The following DPF3 variants were observed in gnomAD, a reference collection of about 807,000 sequenced individuals.
The protein encoded by DPF3 is zinc finger protein DPF3.
A neutral mutation model predicts 56.8 loss-of-function variants in DPF3; 18 were observed. That is an observed-to-expected ratio of 0.32 (90% CI 0.22 to 0.47). The LOEUF is 0.47. Among genes scored for constraint, DPF3 ranks in the 20% least tolerant of loss-of-function variants. The pLI is 1.00. For synonymous variants in DPF3, 188 were observed against 180.2 expected, an observed-to-expected ratio of 1.04 and a Z score of -0.35; for missense variants, 403 against 488.8, an observed-to-expected ratio of 0.82 and a Z score of 1.65.
At chr14:72,642,355 G>A (rs957378215) in intron 8 of DPF3, among the ~76,000 whole-genome samples, 5 of 152,244 alleles carry the variant, frequency 3.3e-5, no homozygotes, top group Non-Finnish European at 7.3e-5. Context: ...CCAGACATTT[G>A]ACAGAACTCC....
At chr14:72,710,655 G>A (rs1478193620) in intron 6 of DPF3, among the ~76,000 whole-genome samples, 6 of 152,240 alleles carry the variant, frequency 3.9e-5, no homozygotes, top group African/African-American at 1.4e-4. Context: ...ATTCTAAGAA[G>A]CGTCTAGGCA....
At chr14:72,810,216 G>C (rs77305094) in intron 1 of DPF3, among the ~76,000 whole-genome samples, 2,770 of 152,298 alleles carry the variant, frequency 0.018, 95 homozygotes, top group African/African-American at 0.063. Flanking sequence ...CAACATCCCA[G>C]TGCTGTGGTC....
chr14:72,708,643 A>G (rs1836874510), intron 6 of DPF3, among the ~76,000 whole-genome samples: 1 of 152,174 alleles, frequency 6.6e-6, no homozygotes, highest in African/African-American at 2.4e-5. Flanking sequence ...TCCCTGCTGC[A>G]CTCAGGTAGG....
At chr14:72,791,113 C>G (rs1037344226) in intron 1 of DPF3, among the ~76,000 whole-genome samples, 1 of 152,202 alleles carries the variant, frequency 6.6e-6, no homozygotes, top group Non-Finnish European at 1.5e-5. Context: ...CCTCTGCAAT[C>G]TGGTGACCTT....
chr14:72,744,366 G>A (rs1047260557), intron 3 of DPF3, among the ~76,000 whole-genome samples: 5 of 151,910 alleles, frequency 3.3e-5, no homozygotes, highest in Non-Finnish European at 5.9e-5. Flanking sequence ...ACAACCTCGC[G>A]GACTTCATTG....
At chr14:72,728,900 G>A (rs1889518452) in intron 4 of DPF3, among the ~76,000 whole-genome samples, 1 of 152,110 alleles carries the variant, frequency 6.6e-6, no homozygotes. Context: ...GGGAGGCAGG[G>A]GCAGTCAGGG....
At chr14:72,849,610 C>T (rs1161109728) in intron 1 of DPF3, among the ~76,000 whole-genome samples, 2 of 152,164 alleles carry the variant, frequency 1.3e-5, no homozygotes, top group African/African-American at 4.8e-5. Flanking sequence ...CACCTCCCAC[C>T]TTCACCCTAA....
At chr14:72,679,458 C>T (rs1887061689) in intron 7 of DPF3, among the ~76,000 whole-genome samples, 1 of 152,248 alleles carries the variant, frequency 6.6e-6, no homozygotes, top group South Asian at 2.1e-4. Context: ...CACCCAGCCC[C>T]AGCCCCAGCC....
intron 6 of DPF3, among the ~76,000 whole-genome samples, chr14:72,700,513 A>T (rs1467686890): frequency 2.0e-5 from 3 of 152,178 alleles, no homozygotes; most frequent in Non-Finnish European, 2.9e-5. Context: ...CCAGGTCCCA[A>T]CCAGTCCTGA....
At chr14:72,864,288 A>C (rs1356073506) in intron 1 of DPF3, among the ~76,000 whole-genome samples, 1 of 152,064 alleles carries the variant, frequency 6.6e-6, no homozygotes, top group Non-Finnish European at 1.5e-5. Flanking sequence ...CCACCTTCTC[A>C]GTGAAGCCAC....
intron 8 of DPF3, among the ~76,000 whole-genome samples, chr14:72,660,610 C>T (rs1886177413): frequency 6.6e-6 from 1 of 152,372 alleles, no homozygotes; most frequent in South Asian, 2.1e-4. Context: ...TAACCTCCCA[C>T]CTATTCTAAG....
At chr14:72,798,544 G>A (rs1293308096) in intron 1 of DPF3, among the ~76,000 whole-genome samples, 1 of 152,216 alleles carries the variant, frequency 6.6e-6, no homozygotes, top group African/African-American at 2.4e-5. Flanking sequence ...GATTACATGT[G>A]ACCAAGGTCA....
intron 1 of DPF3, among the ~76,000 whole-genome samples, chr14:72,887,187 AC>A (rs1886583283): frequency 7.1e-6 from 1 of 141,452 alleles, no homozygotes; most frequent in Admixed American, 7.0e-5. Context: ...ACACACACAC[AC>A]ACACACACAA....
chr14:72,866,214 C>T (rs1885656200), intron 1 of DPF3, among the ~76,000 whole-genome samples: 1 of 152,092 alleles, frequency 6.6e-6, no homozygotes. Flanking sequence ...ATTCCCACCA[C>T]CACCTCTTCC....
At chr14:72,826,771 G>A (rs544386018) in intron 1 of DPF3, among the ~76,000 whole-genome samples, 116 of 152,200 alleles carry the variant, frequency 7.6e-4, no homozygotes, top group African/African-American at 2.5e-3. Flanking sequence ...GGCCGGGCGC[G>A]GTGGCTCACG....
chr14:72,731,542 T>C, intron 4 of DPF3: 1 of 443,448 alleles, frequency 2.3e-6, no homozygotes, highest in Non-Finnish European at 4.2e-6. Flanking sequence ...ACAGTCCCTG[T>C]GTTCACTAGG....
chr14:72,850,712 C>T (rs758913268), intron 1 of DPF3, among the ~76,000 whole-genome samples: 12 of 152,142 alleles, frequency 7.9e-5, no homozygotes, highest in Admixed American at 5.2e-4. Flanking sequence ...ATCTGTGGTT[C>T]AGATTATACA....
At chr14:72,869,691 G>A (rs1885818278) in intron 1 of DPF3, among the ~76,000 whole-genome samples, 1 of 152,134 alleles carries the variant, frequency 6.6e-6, no homozygotes, top group Non-Finnish European at 1.5e-5. Flanking sequence ...GAAAAAGAGG[G>A]CTGGGAGAGA....
At chr14:72,665,301 G>T (rs772908111) in intron 8 of DPF3, among the ~76,000 whole-genome samples, 1 of 152,106 alleles carries the variant, frequency 6.6e-6, no homozygotes, top group Non-Finnish European at 1.5e-5. Flanking sequence ...TCCTATCCTT[G>T]ACAGTGCTGA....
Sources: allele counts gnomAD v4.1 joint callset (sites outside exome capture counted in the v4.1 genomes callset), GRCh38; gene constraint gnomAD v4.1.1; transcripts MANE v1.5; gene names NCBI Gene and HGNC (gene_info 2026-07-23, HGNC 2026-07-21).